CLPB: variants seen among roughly 807,000 people sequenced by gnomAD.
CLPB encodes the protein ClpB family mitochondrial disaggregase, also known as mitochondrial disaggregase.
In CLPB, 40 loss-of-function variants were observed where a neutral mutation model predicts 78.4. The observed-to-expected ratio is 0.51, with a 90% CI of 0.40 to 0.66. CLPB has a LOEUF of 0.66. Among genes scored for constraint, CLPB ranks in the 30% least tolerant of loss-of-function variants. The probability of loss-of-function intolerance (pLI) is 0.00; values close to 1 mark genes in which losing one functional copy is unlikely to be tolerated. For missense variants in CLPB, 780 were observed against 886.9 expected, an observed-to-expected ratio of 0.88 and a Z score of 1.53; for synonymous variants, 333 against 348.0, an observed-to-expected ratio of 0.96 and a Z score of 0.48.
At chr11:72,358,212 A>G (rs1425294534) in intron 5 of CLPB, among the ~76,000 whole-genome samples, 2 of 152,214 alleles carry the variant, frequency 1.3e-5, no homozygotes, top group Non-Finnish European at 2.9e-5. Context: ...GGTATTCATT[A>G]TTCATTGATT....
At chr11:72,425,977 C>A (rs779994059) in intron 2 of CLPB, among the ~76,000 whole-genome samples, 15 of 152,108 alleles carry the variant, frequency 9.9e-5, no homozygotes, top group Non-Finnish European at 1.9e-4. Flanking sequence ...TTTACCCCGA[C>A]TCTGTCATCA....
chr11:72,325,262 A>C (rs1466318517), intron 6 of CLPB, among the ~76,000 whole-genome samples: 2 of 152,192 alleles, frequency 1.3e-5, no homozygotes, highest in Admixed American at 1.3e-4. Flanking sequence ...GAAATCCTTC[A>C]AGGTGAGATT....
chr11:72,328,146 G>T (rs1206553356), intron 6 of CLPB, among the ~76,000 whole-genome samples: 1 of 152,148 alleles, frequency 6.6e-6, no homozygotes, highest in African/African-American at 2.4e-5. Flanking sequence ...CTTCTAGGCT[G>T]AGCATTTAAC....
intron 5 of CLPB, among the ~76,000 whole-genome samples, chr11:72,336,165 C>T (rs1950318175): frequency 6.6e-6 from 1 of 152,060 alleles, no homozygotes; most frequent in Non-Finnish European, 1.5e-5. Flanking sequence ...TCACTCCCTC[C>T]TCCCTTGACA....
intron 5 of CLPB, among the ~76,000 whole-genome samples, chr11:72,348,137 T>C (rs1396737273): frequency 6.6e-6 from 1 of 152,232 alleles, no homozygotes; most frequent in Non-Finnish European, 1.5e-5. Flanking sequence ...GATAACTTGT[T>C]ACAGCAGCAA....
chr11:72,433,615 C>A (rs756437821), intron 1 of CLPB, among the ~76,000 whole-genome samples: 2 of 151,868 alleles, frequency 1.3e-5, no homozygotes, highest in Non-Finnish European at 2.9e-5. Context: ...GGCATTAGAA[C>A]CGAGTCAGGT....
chr11:72,410,617 G>A (rs1274654515), intron 2 of CLPB: 1 of 152,204 alleles, frequency 6.6e-6, no homozygotes, highest in Non-Finnish European at 1.5e-5. Flanking sequence ...TTGGAACACA[G>A]TAAGTGCTCC....
intron 2 of CLPB, among the ~76,000 whole-genome samples, chr11:72,418,637 A>T (rs1007481701): frequency 3.9e-5 from 6 of 152,082 alleles, no homozygotes; most frequent in Non-Finnish European, 4.4e-5. Flanking sequence ...CGGGAGGATC[A>T]CGAGGTCAGG....
In CLPB at chr11:72,286,553, T is replaced by C. The variant is rs1949392862; in HGVS notation, c.*6814A>G. On this transcript the variant is annotated 3_prime_UTR_variant, in exon 16 of 16. Transcript: ENST00000538039. ...GTGCAGTGGTGTGATGTAGGCTCAC[T>C]ACAACCTCTGCCTCCAGGTTCAAGG... 1 of 152,206 alleles carries C rather than the reference T, an allele frequency of 6.6e-6. No homozygotes were observed. The highest frequency in any genetic ancestry group is 2.4e-5 in the African/African-American group (1 of 41,456). The allele number at this position is 152,206 out of a possible 1,614,324, so 9.4% of individuals were successfully genotyped here.
At chr11:72,380,249 G>C in intron 4 of CLPB, 32 bp downstream of exon 4, 1 of 1,513,026 alleles carries the variant, frequency 6.6e-7, no homozygotes, top group Non-Finnish European at 9.2e-7. Flanking sequence ...CAAGAGGAGA[G>C]CTCTCAGAGA....
At chr11:72,402,412 T>C (rs1426334280) in intron 3 of CLPB, among the ~76,000 whole-genome samples, 3 of 152,352 alleles carry the variant, frequency 2.0e-5, no homozygotes, top group Middle Eastern at 3.4e-3. Context: ...TGTGGAGTGA[T>C]TGTGAGAATT....
rs373726569 is a variant in CLPB, at chr11:72,394,768, C to A, written c.542+8198G>T. On this transcript the variant is annotated intron_variant, in intron 3 of 15. Transcript: ENST00000538039. ...GTAGGGGTGGGAGAAACGTCAAGCC[C>A]AACACTTTCCTGGGGGCACGGTGCT... Among the ~76,000 whole-genome samples the A allele has an allele frequency of 6.6e-5, 10 of 152,316 alleles. No homozygotes were observed. The East Asian group carries it at 1.7e-3, about 26-fold the overall frequency.
intron 2 of CLPB, among the ~76,000 whole-genome samples, chr11:72,428,368 C>T (rs150090725): frequency 1.5e-3 from 222 of 152,332 alleles, no homozygotes; most frequent in African/African-American, 5.2e-3. Context: ...AAACTTCCCA[C>T]GTCTCCCCAC....
Position 72,293,274 on chromosome 11 carries a change from G to A in CLPB, c.*93C>T. 6.8e-7 allele frequency: 1 copy of A among 1,470,130 alleles called. No individual in the cohort carries two copies. The highest frequency in any genetic ancestry group is 9.3e-7 in the Non-Finnish European group (1 of 1,072,162). The allele number at this position is 1,470,130 out of a possible 1,614,324, so 91.1% of individuals were successfully genotyped here. A position where few individuals can be genotyped will look rare whatever the true frequency, so the allele number is the denominator to read the frequency against. On this transcript the variant is annotated 3_prime_UTR_variant, in exon 16 of 16. Coordinates refer to ENST00000538039, the MANE Select transcript of CLPB (RefSeq NM_001258392.3). ...CAGGCCTGAGACTGGGTAGAGATGGGAGCGGCATGAGGGGAAGGTAAGTCA... is the reference window on the plus strand; with the variant it reads ...CAGGCCTGAGACTGGGTAGAGATGGAAGCGGCATGAGGGGAAGGTAAGTCA...
intron 3 of CLPB, among the ~76,000 whole-genome samples, chr11:72,381,061 A>G (rs1464043734): frequency 6.6e-6 from 1 of 152,226 alleles, no homozygotes; most frequent in Non-Finnish European, 1.5e-5. Flanking sequence ...TCCACATGCA[A>G]AAATACCTTC....
chr11:72,349,435 T>C (rs761967013), intron 5 of CLPB, among the ~76,000 whole-genome samples: 2 of 152,238 alleles, frequency 1.3e-5, no homozygotes, highest in Non-Finnish European at 2.9e-5. Context: ...ATCCCTGCTG[T>C]GTTCTTCCTT....
chr11:72,386,850 T>C (rs577404634), intron 3 of CLPB, among the ~76,000 whole-genome samples: 1 of 152,358 alleles, frequency 6.6e-6, no homozygotes, highest in Non-Finnish European at 1.5e-5. Flanking sequence ...AGAAGTCTGT[T>C]GGGTTCTCAT....
Position 72,434,409 on chromosome 11 carries a change from C to T in CLPB, c.66G>A (p.Arg22=), listed in dbSNP as rs766262368. The change falls in exon 1 of 16, where the codon AGG becomes AGA. Residue 22 remains arginine, a synonymous_variant. Coordinates refer to ENST00000538039, the MANE Select transcript of CLPB (RefSeq NM_001258392.3). ...LAPRLLLRLL[R]SPTLRGHGGA... ...CTCCATGGCCCCGGAGCGTTGGGGA[C>T]CTGAGCAGCCGGAGGAGTAGCCGTG... is the stretch of plus-strand genomic sequence containing the variant. The T allele has an allele frequency of 3.7e-6, 6 of 1,601,650 alleles. No homozygotes were observed. The highest frequency in any genetic ancestry group is 1.7e-4 in the Middle Eastern group (1 of 5,984).
intron 6 of CLPB, among the ~76,000 whole-genome samples, chr11:72,327,690 A>G (rs1010642303): frequency 1.3e-5 from 2 of 152,206 alleles, no homozygotes; most frequent in African/African-American, 4.8e-5. Flanking sequence ...GGCAAAAGCC[A>G]CTGGGCTTGA....
Sources: gnomAD v4.1 joint callset for allele counts (sites outside exome capture counted in the v4.1 genomes callset) on GRCh38, gnomAD v4.1.1 for gene constraint, MANE v1.5 for transcripts, NCBI Gene and HGNC (gene_info 2026-07-23, HGNC 2026-07-21) for gene names.